The following CAMK2D variants were observed in gnomAD, a reference collection of about 807,000 sequenced individuals.
CAMK2D encodes calcium/calmodulin-dependent protein kinase type II subunit delta.
A neutral mutation model predicts 84.0 loss-of-function variants in CAMK2D; 37 were observed. The ratio of observed to expected loss-of-function variants is 0.44; its 90% CI spans 0.34 to 0.58. CAMK2D has a LOEUF of 0.58. Ranked by LOEUF, CAMK2D falls within the 20% of genes least tolerant of loss-of-function variation. CAMK2D has a pLI of 0.02. For synonymous variants in CAMK2D, 202 were observed against 212.5 expected, an observed-to-expected ratio of 0.95 and a Z score of 0.43; for missense variants, 448 against 652.5, an observed-to-expected ratio of 0.69 and a Z score of 3.41.
chr4:113,521,631 ACTAAGAGAC>A (rs1438895280), intron 8 of CAMK2D, among the ~76,000 whole-genome samples: 1 of 152,312 alleles, frequency 6.6e-6, no homozygotes, highest in South Asian at 2.1e-4. Context: ...ATTAAGAATG[ACTAAGAGAC>A]CTAAGAGACC....
Position 113,454,256 on chromosome 4 carries a change from T to A in CAMK2D, c.*289A>T, listed in dbSNP as rs1053671. 17,996 of 142,910 alleles carry A rather than the reference T, an allele frequency of 0.13. 627 individuals are homozygous for A. Among genetic ancestry groups the A allele is most frequent in the Non-Finnish European group, 0.16 (12,674 of 78,498 alleles). The allele number at this position is 142,910 out of a possible 1,614,324, so 8.9% of individuals were successfully genotyped here. A position where few individuals can be genotyped will look rare whatever the true frequency, so the allele number is the denominator to read the frequency against. ...AGAGTTGTACTTGGAATATTGTGGA[T>A]TTTTTTTTTTGTCTAATCTCCCCCT... On this transcript the variant is annotated 3_prime_UTR_variant, in exon 21 of 21. Coordinates refer to ENST00000511664, the MANE Select transcript of CAMK2D (RefSeq NM_001321571.2).
At chr4:113,494,243 T>G (rs935356340) in intron 16 of CAMK2D, among the ~76,000 whole-genome samples, 18 of 152,220 alleles carry the variant, frequency 1.2e-4, no homozygotes, top group Non-Finnish European at 2.4e-4. Flanking sequence ...CAGTTTTTCT[T>G]TTCTGTTTTT....
rs567093480 is a variant in CAMK2D, at chr4:113,638,876, T to TA, written c.220+22836dup. Among the ~76,000 whole-genome samples the TA allele has an allele frequency of 4.5e-3, 679 of 152,240 alleles. 8 individuals carry two copies. The highest frequency in any genetic ancestry group is 0.016 in the African/African-American group (658 of 41,534). ...TTAAAAGTTTATTTAAAAGTGAATGTAAAAATCTACTTCCTCCTCTTCCCA... is the reference window on the plus strand; with the variant it reads ...TTAAAAGTTTATTTAAAAGTGAATGTAAAAAATCTACTTCCTCCTCTTCCCA... On this transcript the variant is annotated intron_variant, in intron 3 of 20. Transcript: ENST00000511664.
intron 3 of CAMK2D, among the ~76,000 whole-genome samples, chr4:113,633,389 T>C (rs530367797): frequency 6.6e-6 from 1 of 152,142 alleles, no homozygotes; most frequent in Non-Finnish European, 1.5e-5. Context: ...GGCAGCTTAA[T>C]ACAGAAAACA....
chr4:113,580,321 C>T (rs1419853014), intron 4 of CAMK2D, among the ~76,000 whole-genome samples: 1 of 152,182 alleles, frequency 6.6e-6, no homozygotes, highest in African/African-American at 2.4e-5. Context: ...TATACTCTCA[C>T]ATGAACATAA....
chr4:113,480,385 C>T (rs2097686791), intron 16 of CAMK2D, among the ~76,000 whole-genome samples: 2 of 152,076 alleles, frequency 1.3e-5, no homozygotes, highest in Non-Finnish European at 2.9e-5. Context: ...GACACCAAAG[C>T]GCGTCCTCCA....
chr4:113,664,890 A>T (rs2099251598), intron 2 of CAMK2D, among the ~76,000 whole-genome samples: 2 of 150,834 alleles, frequency 1.3e-5, no homozygotes. Flanking sequence ...TGCAACCTCC[A>T]CCCCCCGGGT....
At chr4:113,648,361 T>C (rs17593100) in intron 3 of CAMK2D, among the ~76,000 whole-genome samples, 8,024 of 152,300 alleles carry the variant, frequency 0.053, 584 homozygotes, top group African/African-American at 0.16. Flanking sequence ...AGCATTTTCA[T>C]CATTCTGTCT....
intron 3 of CAMK2D, among the ~76,000 whole-genome samples, chr4:113,616,724 A>G (rs1297737165): frequency 6.6e-6 from 1 of 152,212 alleles, no homozygotes; most frequent in East Asian, 1.9e-4. Context: ...AGAAGCTCAG[A>G]GAAGACTAAA....
intron 16 of CAMK2D, among the ~76,000 whole-genome samples, chr4:113,489,485 G>A (rs2154136634): frequency 6.6e-6 from 1 of 151,996 alleles, no homozygotes; most frequent in East Asian, 1.9e-4. Context: ...ATTTTTTTAT[G>A]GCTGCAAAGA....
At chr4:113,527,266 TTTTTTTC>T (rs1389240430) in intron 8 of CAMK2D, among the ~76,000 whole-genome samples, 1 of 151,964 alleles carries the variant, frequency 6.6e-6, no homozygotes, top group Admixed American at 6.6e-5. Context: ...ATACAGTTTT[TTTTTTTC>T]TTTTTTCTTT....
At chr4:113,643,254 T>C (rs936329558) in intron 3 of CAMK2D, among the ~76,000 whole-genome samples, 2 of 152,170 alleles carry the variant, frequency 1.3e-5, no homozygotes, top group African/African-American at 4.8e-5. Context: ...TTCCAAGATA[T>C]AAGATACAAA....
intron 8 of CAMK2D, among the ~76,000 whole-genome samples, chr4:113,530,241 T>C (rs1369205369): frequency 6.6e-6 from 1 of 152,232 alleles, no homozygotes; most frequent in East Asian, 1.9e-4. Context: ...ATGAGACCCA[T>C]GTCTAAACAT....
intron 4 of CAMK2D, among the ~76,000 whole-genome samples, chr4:113,590,961 A>T (rs1404580516): frequency 6.6e-6 from 1 of 152,200 alleles, no homozygotes; most frequent in Admixed American, 6.5e-5. Flanking sequence ...AATGTGAAAT[A>T]ATAAGTCAAC....
intron 3 of CAMK2D, among the ~76,000 whole-genome samples, chr4:113,617,301 C>T (rs1275155550): frequency 6.6e-6 from 1 of 151,782 alleles, no homozygotes; most frequent in Non-Finnish European, 1.5e-5. Context: ...GACCCTGTCT[C>T]TATTACAAAA....
intron 4 of CAMK2D, among the ~76,000 whole-genome samples, chr4:113,601,805 C>A (rs2154260595): frequency 7.1e-6 from 1 of 141,496 alleles, no homozygotes; most frequent in East Asian, 2.2e-4. Context: ...AAGTGATTTT[C>A]CGCCTCAGCC....
chr4:113,642,076 A>G (rs983402881), intron 3 of CAMK2D, among the ~76,000 whole-genome samples: 2 of 152,070 alleles, frequency 1.3e-5, no homozygotes, highest in Non-Finnish European at 2.9e-5. Context: ...CAAAAAATTA[A>G]AAAGTGGTAG....
chr4:113,541,764 C>T (rs2098531468), intron 6 of CAMK2D, among the ~76,000 whole-genome samples: 1 of 152,028 alleles, frequency 6.6e-6, no homozygotes, highest in African/African-American at 2.4e-5. Flanking sequence ...GAAAACCATC[C>T]TCTGCTTGGC....
At chr4:113,517,514 G>T in intron 9 of CAMK2D, 49 bp downstream of exon 9, 1 of 846,202 alleles carries the variant, frequency 1.2e-6, no homozygotes. Flanking sequence ...TTGGTCAACA[G>T]GCAAAAGACA....
Sources: gnomAD v4.1 joint callset for allele counts (sites outside exome capture counted in the v4.1 genomes callset) on GRCh38, gnomAD v4.1.1 for gene constraint, MANE v1.5 for transcripts, NCBI Gene and HGNC (gene_info 2026-07-23, HGNC 2026-07-21) for gene names.